The following NCALD variants were observed in gnomAD, a reference collection of about 807,000 sequenced individuals.
NCALD encodes neurocalcin-delta.
A neutral mutation model predicts 18.6 loss-of-function variants in NCALD; 10 were observed. The ratio of observed to expected loss-of-function variants is 0.54; its 90% CI spans 0.33 to 0.91. The LOEUF is 0.91. Among genes scored for constraint, NCALD ranks in the 40% least tolerant of loss-of-function variants. The pLI is 0.03. For missense variants in NCALD, 184 were observed against 247.6 expected, an observed-to-expected ratio of 0.74 and a Z score of 1.72; for synonymous variants, 88 against 87.4, an observed-to-expected ratio of 1.01 and a Z score of -0.04.
At chr8:101,956,547 G>A (rs1819630040) in intron 2 of NCALD, among the ~76,000 whole-genome samples, 1 of 152,096 alleles carries the variant, frequency 6.6e-6, no homozygotes, top group Non-Finnish European at 1.5e-5. Context: ...CATATATTCT[G>A]AGGAAGGAAG....
intron 2 of NCALD, among the ~76,000 whole-genome samples, chr8:101,948,213 G>A (rs183404304): frequency 1.5e-3 from 227 of 152,342 alleles, no homozygotes; most frequent in Middle Eastern, 3.4e-3. Flanking sequence ...GCCCTGGCCT[G>A]GACTAAGGTA....
At chr8:102,070,680 A>C (rs1385816678) in intron 1 of NCALD, among the ~76,000 whole-genome samples, 1 of 152,252 alleles carries the variant, frequency 6.6e-6, no homozygotes, top group Non-Finnish European at 1.5e-5. Context: ...TGAAATCTAT[A>C]AAAAAGAAAT....
intron 1 of NCALD, among the ~76,000 whole-genome samples, chr8:102,087,386 G>T (rs1296466071): frequency 6.6e-6 from 1 of 152,154 alleles, no homozygotes; most frequent in Non-Finnish European, 1.5e-5. Context: ...AAAGGAAATA[G>T]ACTGCAGCAC....
At chr8:101,881,327 G>T (rs1004924485) in intron 4 of NCALD, among the ~76,000 whole-genome samples, 15 of 152,098 alleles carry the variant, frequency 9.9e-5, no homozygotes, top group Admixed American at 6.5e-4. Flanking sequence ...AAGTAATTTT[G>T]AAATACCATT....
intron 1 of NCALD, among the ~76,000 whole-genome samples, chr8:101,757,987 G>A (rs1001039460): frequency 6.6e-6 from 1 of 152,052 alleles, no homozygotes; most frequent in South Asian, 2.1e-4. Context: ...AATGGGGTCT[G>A]GCCATGTTGC....
chr8:101,761,239 A>C (rs1811096012), intron 1 of NCALD, among the ~76,000 whole-genome samples: 1 of 152,208 alleles, frequency 6.6e-6, no homozygotes. Flanking sequence ...TTAGTTCTCA[A>C]AATTAGGTCA....
intron 4 of NCALD, among the ~76,000 whole-genome samples, chr8:101,852,006 C>A (rs1190785012): frequency 6.6e-6 from 1 of 152,142 alleles, no homozygotes; most frequent in Non-Finnish European, 1.5e-5. Context: ...GGACAATTCA[C>A]CCCTTCCACC....
intron 1 of NCALD, among the ~76,000 whole-genome samples, chr8:101,785,116 G>C (rs1812171839): frequency 6.6e-6 from 1 of 152,166 alleles, no homozygotes; most frequent in South Asian, 2.1e-4. Flanking sequence ...TCAGCAATTT[G>C]TTTAAGCTCT....
At chr8:101,856,243 C>A (rs974615718) in intron 4 of NCALD, among the ~76,000 whole-genome samples, 30 of 152,198 alleles carry the variant, frequency 2.0e-4, no homozygotes, top group African/African-American at 7.0e-4. Context: ...GTAATCTTGA[C>A]TCACTGCAAC....
intron 1 of NCALD, among the ~76,000 whole-genome samples, chr8:102,119,690 T>G (rs1215117735): frequency 6.6e-6 from 1 of 152,158 alleles, no homozygotes; most frequent in African/African-American, 2.4e-5. Context: ...AAGACCACCA[T>G]CCCCAGGAAG....
chr8:101,863,990 T>A (rs1271031936), intron 4 of NCALD, among the ~76,000 whole-genome samples: 1 of 152,156 alleles, frequency 6.6e-6, no homozygotes, highest in Non-Finnish European at 1.5e-5. Context: ...AGAGATTTTT[T>A]AAATCTCCCC....
chr8:102,024,614 C>T lies in NCALD; in HGVS notation c.-209-4325G>A, dbSNP rs181589383. On this transcript the variant is annotated intron_variant, in intron 1 of 6. Coordinates refer to the NCALD transcript ENST00000311028. Reference sequence around the variant, plus strand: ...ACCATTTAATACTCCACTTTCTCCTCCTCTCATCAATAACCAAATCCTGTA... The same window carrying T: ...ACCATTTAATACTCCACTTTCTCCTTCTCTCATCAATAACCAAATCCTGTA... Among the ~76,000 whole-genome samples the T allele has an allele frequency of 4.5e-4, 69 of 152,276 alleles. 2 individuals are homozygous for T. Among genetic ancestry groups the T allele is most frequent in the African/African-American group, 1.6e-3 (67 of 41,566 alleles).
intron 1 of NCALD, among the ~76,000 whole-genome samples, chr8:101,782,311 C>T (rs1467739024): frequency 6.6e-6 from 1 of 151,942 alleles, no homozygotes; most frequent in Non-Finnish European, 1.5e-5. Flanking sequence ...CTACTCACAC[C>T]TACGGAGGGC....
chr8:101,789,134 A>T (rs1812353007), intron 1 of NCALD: 1 of 152,240 alleles, frequency 6.6e-6, no homozygotes, highest in Non-Finnish European at 1.5e-5. Context: ...CTATAATGAT[A>T]ATTCCACATT....
chr8:101,964,478 A>G (rs939337106), intron 2 of NCALD, among the ~76,000 whole-genome samples: 3 of 152,136 alleles, frequency 2.0e-5, no homozygotes, highest in African/African-American at 4.8e-5. Flanking sequence ...GGCTCCACCA[A>G]CTTCACTGCA....
chr8:101,788,130 A>G (rs1040358922), intron 1 of NCALD, among the ~76,000 whole-genome samples: 1 of 152,210 alleles, frequency 6.6e-6, no homozygotes, highest in African/African-American at 2.4e-5. Context: ...GAACATTGCA[A>G]AATTCACACA....
rs182924062 is a variant in NCALD at position 102,026,975 on chromosome 8, G to T, written c.-209-6686C>A. Among the ~76,000 whole-genome samples, 371 of 152,326 alleles carry T rather than the reference G, an allele frequency of 2.4e-3. 3 individuals carry two copies. Among genetic ancestry groups the T allele is most frequent in the African/African-American group, 8.3e-3 (343 of 41,560 alleles). ...TCTGAAACAACAGTCTGAGCTGTAC[G>T]TTGGCTCCTTTTAGCCATGGCTGGA... is the stretch of plus-strand genomic sequence containing the variant. On this transcript the variant is annotated intron_variant, in intron 1 of 6. Transcript: ENST00000311028.
intron 1 of NCALD, among the ~76,000 whole-genome samples, chr8:102,101,180 T>G (rs1002347312): frequency 1.3e-5 from 2 of 152,230 alleles, no homozygotes; most frequent in Non-Finnish European, 2.9e-5. Context: ...TGAGGACCAG[T>G]GTGCACGCGT....
chr8:101,868,262 G>C (rs1323456144), intron 4 of NCALD, among the ~76,000 whole-genome samples: 1 of 152,048 alleles, frequency 6.6e-6, no homozygotes, highest in Non-Finnish European at 1.5e-5. Context: ...CATGCATCAA[G>C]GAGTCTGAGA....
Sources: gnomAD v4.1 joint callset for allele counts (sites outside exome capture counted in the v4.1 genomes callset) on GRCh38, gnomAD v4.1.1 for gene constraint, MANE v1.5 for transcripts, NCBI Gene and HGNC (gene_info 2026-07-23, HGNC 2026-07-21) for gene names.